The following CACNA2D1 variants were observed in gnomAD, a reference collection of about 807,000 sequenced individuals.
CACNA2D1 encodes the protein voltage-dependent calcium channel subunit alpha-2/delta-1.
A neutral mutation model predicts 171.5 loss-of-function variants in CACNA2D1; 53 were observed. The observed-to-expected ratio is 0.31, with a 90% CI of 0.25 to 0.39. CACNA2D1 has a LOEUF of 0.39. CACNA2D1 is among the 10% of genes least tolerant of loss of function. The pLI is 1.00. For synonymous variants in CACNA2D1, 442 were observed against 443.1 expected, an observed-to-expected ratio of 1.00 and a Z score of 0.03; for missense variants, 903 against 1,299.8, an observed-to-expected ratio of 0.69 and a Z score of 4.69.
intron 1 of CACNA2D1, among the ~76,000 whole-genome samples, chr7:82,417,602 A>G (rs1417186558): frequency 6.6e-6 from 1 of 152,188 alleles, no homozygotes; most frequent in Non-Finnish European, 1.5e-5. Context: ...ATTCAACTAG[A>G]TATCTGCATT....
chr7:82,374,354 A>G (rs1319586808), intron 1 of CACNA2D1, among the ~76,000 whole-genome samples: 1 of 152,194 alleles, frequency 6.6e-6, no homozygotes, highest in Non-Finnish European at 1.5e-5. Flanking sequence ...GGAATCACCC[A>G]TTCTCCTATC....
chr7:81,997,200 T>C lies in CACNA2D1; in HGVS notation c.1641A>G (p.Leu547=), dbSNP rs1798137601. 1 of 1,605,606 alleles carries C rather than the reference T, an allele frequency of 6.2e-7. No individual in the cohort carries two copies. The highest frequency in any genetic ancestry group is 8.5e-7 in the Non-Finnish European group (1 of 1,172,630). ...PVTLDFLDAE[L]ENDIKVEIRN... The stretch of plus-strand genomic sequence containing the variant: ...TCACCTCCACTTTAATATCATTCTC[T>C]AACTCTGCATCAAGGAAATCCAATG... The change falls in exon 19 of 39, where the codon TTA becomes TTG. Residue 547 remains leucine (L), a synonymous_variant. Coordinates refer to ENST00000356860, the MANE Select transcript of CACNA2D1 (RefSeq NM_000722.4).
At chr7:82,130,944 C>T (rs1002885924) in intron 5 of CACNA2D1, among the ~76,000 whole-genome samples, 1 of 151,268 alleles carries the variant, frequency 6.6e-6, no homozygotes, top group South Asian at 2.1e-4. Context: ...CTACAGGCGC[C>T]CGCCATCATG....
chr7:82,019,344 A>T (rs1800900560), intron 12 of CACNA2D1, among the ~76,000 whole-genome samples: 1 of 152,150 alleles, frequency 6.6e-6, no homozygotes, highest in African/African-American at 2.4e-5. Context: ...AAACAAAAAA[A>T]ATTAAATTCC....
chr7:81,953,408 A>T (rs1313772122), intron 38 of CACNA2D1, among the ~76,000 whole-genome samples: 1 of 151,750 alleles, frequency 6.6e-6, no homozygotes, highest in Non-Finnish European at 1.5e-5. Context: ...TCTCCCGCCT[A>T]CTCACTCTGC....
Position 81,947,011 on chromosome 7 carries a change from C to A in CACNA2D1, c.*3381G>T, listed in dbSNP as rs1792099035. On this transcript the variant is annotated 3_prime_UTR_variant, in exon 39 of 39. Transcript: ENST00000356860. Reference sequence around the variant, plus strand: ...GGGCAAGTGAAATAGTTATTTCATTCTATTCTTTAAAAAAAGTAACAACAT... The same window carrying A: ...GGGCAAGTGAAATAGTTATTTCATTATATTCTTTAAAAAAAGTAACAACAT... 1.3e-5 allele frequency: 2 copies of A among 151,912 alleles called. No homozygotes were observed. The highest frequency in any genetic ancestry group is 6.6e-5 in the Admixed American group (1 of 15,234). 9.4% of individuals were successfully genotyped at this position (151,912 alleles called of 1,614,324 possible). A position where few individuals can be genotyped will look rare whatever the true frequency, so the allele number is the denominator to read the frequency against.
chr7:82,171,735 G>T (rs541496882), intron 3 of CACNA2D1, among the ~76,000 whole-genome samples: 2 of 152,110 alleles, frequency 1.3e-5, no homozygotes, highest in South Asian at 4.1e-4. Context: ...TATGCAGCTA[G>T]AAGATAGTGA....
intron 4 of CACNA2D1, among the ~76,000 whole-genome samples, chr7:82,140,071 G>C (rs1219357111): frequency 6.6e-6 from 1 of 151,906 alleles, no homozygotes; most frequent in East Asian, 1.9e-4. Context: ...GATTACAGGC[G>C]TGAGCCACCA....
chr7:82,119,942 G>C (rs1789516008), intron 5 of CACNA2D1, among the ~76,000 whole-genome samples: 1 of 152,172 alleles, frequency 6.6e-6, no homozygotes, highest in South Asian at 2.1e-4. Flanking sequence ...AGCACTTTGG[G>C]AGGCCCAGGC....
chr7:82,097,141 C>A (rs942662557), intron 6 of CACNA2D1, among the ~76,000 whole-genome samples: 1 of 152,074 alleles, frequency 6.6e-6, no homozygotes, highest in African/African-American at 2.4e-5. Flanking sequence ...TACAGGCACA[C>A]AGGCAGAAAT....
At chr7:81,970,005 C>T in intron 27 of CACNA2D1, 21 bp from the exon 28 acceptor site, 1 of 1,366,118 alleles carries the variant, frequency 7.3e-7, no homozygotes, top group East Asian at 2.3e-5. Context: ...AATGGCTCAT[C>T]ATTTGTATTC....
rs1812356739 is a variant in CACNA2D1, at chr7:82,099,419, CTTCTTTTTTTTTT to C, written c.527-14532_527-14520del. Among the ~76,000 whole-genome samples the C allele has an allele frequency of 9.9e-5, 5 of 50,528 alleles. 1 individual carries two copies. 33.1% of individuals were successfully genotyped at this position (50,528 alleles called of 152,430 possible). ...CATACTCTAAAACAGGTAGCAATAC[CTTCTTTTTTTTTT>C]TTTTTTTTTTTTTTTTTTTTTTTTT... On this transcript the variant is annotated intron_variant, in intron 6 of 38. Transcript: ENST00000356860.
chr7:81,977,242 T>C (rs1466182835), intron 24 of CACNA2D1, among the ~76,000 whole-genome samples: 1 of 152,164 alleles, frequency 6.6e-6, no homozygotes, highest in Non-Finnish European at 1.5e-5. Context: ...CCTAGTTTAT[T>C]ATGAGTTTTT....
At chr7:82,268,072 A>G (rs1251998350) in intron 3 of CACNA2D1, among the ~76,000 whole-genome samples, 1 of 152,182 alleles carries the variant, frequency 6.6e-6, no homozygotes, top group Non-Finnish European at 1.5e-5. Context: ...ATAAAGAATT[A>G]ACAATTATTT....
intron 1 of CACNA2D1, among the ~76,000 whole-genome samples, chr7:82,425,022 T>C (rs113552399): frequency 0.014 from 2,203 of 152,280 alleles, 49 homozygotes; most frequent in African/African-American, 0.051. Context: ...TGAGTGTGAG[T>C]GGGGACCATG....
At chr7:81,974,391 T>C (rs1795608035) in intron 25 of CACNA2D1, 64 bp downstream of exon 25, 2 of 797,284 alleles carry the variant, frequency 2.5e-6, no homozygotes, top group East Asian at 2.5e-5. Flanking sequence ...TATCGTATCC[T>C]ATGATATACT....
At position 82,120,496 on chromosome 7, in the gene CACNA2D1, G is replaced by A. The variant is rs76557051; in HGVS notation, c.397-3323C>T. ...TGTAAAGCATTATCAAAGATAGGAT[G>A]TGTTATATTTAAGGTGGACTTTCAT... On this transcript the variant is annotated intron_variant, in intron 5 of 38. Transcript: ENST00000356860. Among the ~76,000 whole-genome samples, 197 of 152,272 alleles carry A rather than the reference G, an allele frequency of 1.3e-3. 1 individual carries two copies. The highest frequency in any genetic ancestry group is 4.7e-3 in the African/African-American group (194 of 41,556).
At chr7:82,267,162 A>G (rs1445641435) in intron 3 of CACNA2D1, among the ~76,000 whole-genome samples, 6 of 152,086 alleles carry the variant, frequency 3.9e-5, no homozygotes, top group African/African-American at 1.4e-4. Flanking sequence ...TCCTAAAATG[A>G]CTCTTTATAA....
At chr7:82,344,536 G>C (rs1819029768) in intron 2 of CACNA2D1, among the ~76,000 whole-genome samples, 1 of 152,118 alleles carries the variant, frequency 6.6e-6, no homozygotes, top group African/African-American at 2.4e-5. Context: ...AATCCCCTGA[G>C]TTTATTCTGT....
Sources: gnomAD v4.1 joint callset for allele counts (sites outside exome capture counted in the v4.1 genomes callset) on GRCh38, gnomAD v4.1.1 for gene constraint, MANE v1.5 for transcripts, NCBI Gene and HGNC (gene_info 2026-07-23, HGNC 2026-07-21) for gene names.